Variants in HS6ST3 observed in about 807,000 individuals in gnomAD.
The protein encoded by HS6ST3 is heparan-sulfate 6-O-sulfotransferase 3.
A neutral mutation model predicts 36.7 loss-of-function variants in HS6ST3; 12 were observed. The observed-to-expected ratio is 0.33, with a 90% CI of 0.21 to 0.53. HS6ST3 has a LOEUF of 0.53. Ranked by LOEUF, HS6ST3 falls within the 20% of genes least tolerant of loss-of-function variation. The probability of loss-of-function intolerance (pLI) is 0.95; values close to 1 mark genes in which losing one functional copy is unlikely to be tolerated. For missense variants in HS6ST3, 584 were observed against 640.9 expected, an observed-to-expected ratio of 0.91 and a Z score of 0.96; for synonymous variants, 240 against 257.5, an observed-to-expected ratio of 0.93 and a Z score of 0.65.
chr13:96,540,895 C>T (rs1307699317), intron 1 of HS6ST3, among the ~76,000 whole-genome samples: 1 of 152,066 alleles, frequency 6.6e-6, no homozygotes. Flanking sequence ...AGTGTAGAGT[C>T]AGAGTGACCT....
intron 1 of HS6ST3, among the ~76,000 whole-genome samples, chr13:96,696,990 A>G (rs527432737): frequency 6.6e-6 from 1 of 151,918 alleles, no homozygotes; most frequent in African/African-American, 2.4e-5. Context: ...ATGCAGCACT[A>G]AAAAAAAGCA....
At chr13:96,398,216 T>C (rs2055432024) in intron 1 of HS6ST3, among the ~76,000 whole-genome samples, 1 of 152,204 alleles carries the variant, frequency 6.6e-6, no homozygotes, top group South Asian at 2.1e-4. Context: ...ATGGCAACTA[T>C]TATAAGAAAG....
chr13:96,633,647 C>G (rs772047208), intron 1 of HS6ST3, among the ~76,000 whole-genome samples: 11 of 152,092 alleles, frequency 7.2e-5, no homozygotes, highest in African/African-American at 2.4e-5. Context: ...TGTTGGCCAC[C>G]TGTTACCCCA....
At chr13:96,378,632 A>C (rs1444382206) in intron 1 of HS6ST3, among the ~76,000 whole-genome samples, 1 of 152,080 alleles carries the variant, frequency 6.6e-6, no homozygotes. Context: ...ACTTTCTATG[A>C]CGGCCCCTTA....
At chr13:96,386,673 T>A (rs9300347) in intron 1 of HS6ST3, among the ~76,000 whole-genome samples, 51,241 of 151,810 alleles carry the variant, frequency 0.34, 9,362 homozygotes, top group Non-Finnish European at 0.42. Flanking sequence ...AAGACCATCC[T>A]GCCCAACATG....
At chr13:96,648,850 C>A (rs996908717) in intron 1 of HS6ST3, among the ~76,000 whole-genome samples, 1 of 152,084 alleles carries the variant, frequency 6.6e-6, no homozygotes, top group Non-Finnish European at 1.5e-5. Flanking sequence ...TTTATGGCTG[C>A]ATAGTACTTC....
At chr13:96,195,336 G>A (rs1348805542) in intron 1 of HS6ST3, among the ~76,000 whole-genome samples, 1 of 152,160 alleles carries the variant, frequency 6.6e-6, no homozygotes, top group Non-Finnish European at 1.5e-5. Context: ...GCTTTTGCTT[G>A]ATAAAAGGAA....
At chr13:96,158,652 CAAAAAA>C (rs397954592) in intron 1 of HS6ST3, among the ~76,000 whole-genome samples, 8 of 68,898 alleles carry the variant, frequency 1.2e-4, no homozygotes, top group Non-Finnish European at 2.0e-4. Context: ...GACTCCGTCT[CAAAAAA>C]AAAAAAAAAA....
At chr13:96,581,188 G>C (rs1276540139) in intron 1 of HS6ST3, among the ~76,000 whole-genome samples, 1 of 151,532 alleles carries the variant, frequency 6.6e-6, no homozygotes, top group Non-Finnish European at 1.5e-5. Context: ...GTGCCAAATA[G>C]ATTGCAGAAC....
At chr13:96,353,911 G>C (rs2055197135) in intron 1 of HS6ST3, among the ~76,000 whole-genome samples, 1 of 152,100 alleles carries the variant, frequency 6.6e-6, no homozygotes, top group African/African-American at 2.4e-5. Context: ...TGAAAATTTT[G>C]CTAATTCAAC....
chr13:96,300,516 C>T (rs1172635796), intron 1 of HS6ST3, among the ~76,000 whole-genome samples: 2 of 151,978 alleles, frequency 1.3e-5, no homozygotes, highest in Non-Finnish European at 2.9e-5. Context: ...TGATACAGAG[C>T]CAAACCATAT....
intron 1 of HS6ST3, among the ~76,000 whole-genome samples, chr13:96,551,531 G>A (rs753416992): frequency 1.6e-4 from 24 of 152,158 alleles, no homozygotes; most frequent in Non-Finnish European, 1.8e-4. Context: ...CTCTTGGGGG[G>A]TAGGTGGATA....
intron 1 of HS6ST3, among the ~76,000 whole-genome samples, chr13:96,443,551 C>T (rs2055684225): frequency 7.7e-6 from 1 of 130,376 alleles, no homozygotes; most frequent in African/African-American, 2.8e-5. Flanking sequence ...AAAAAAAAAG[C>T]AGACTAAAAT....
chr13:96,300,508 A>T (rs1444318541), intron 1 of HS6ST3, among the ~76,000 whole-genome samples: 2 of 152,164 alleles, frequency 1.3e-5, no homozygotes, highest in Non-Finnish European at 2.9e-5. Context: ...TTGGGCGGTG[A>T]TACAGAGCCA....
intron 1 of HS6ST3, among the ~76,000 whole-genome samples, chr13:96,453,150 A>T (rs2055736904): frequency 6.6e-6 from 1 of 151,916 alleles, no homozygotes; most frequent in Non-Finnish European, 1.5e-5. Flanking sequence ...AAACCAGACC[A>T]ACCATTGCCC....
intron 1 of HS6ST3, among the ~76,000 whole-genome samples, chr13:96,474,821 C>T (rs994606479): frequency 4.6e-5 from 7 of 152,134 alleles, no homozygotes; most frequent in African/African-American, 1.7e-4. Context: ...TTCAAACAAT[C>T]TTTGGATTGC....
intron 1 of HS6ST3, among the ~76,000 whole-genome samples, chr13:96,433,959 C>A (rs1192724181): frequency 6.8e-6 from 1 of 147,122 alleles, no homozygotes; most frequent in African/African-American, 2.6e-5. Context: ...AACAAAACTT[C>A]TTTTCTTTAT....
rs2053757332 is a variant in HS6ST3 at position 96,090,799 on chromosome 13, G to C, written c.-64G>C. 1.5e-6 allele frequency: 2 copies of C among 1,351,210 alleles called. No individual in the cohort carries two copies. Among genetic ancestry groups the C allele is most frequent in the Admixed American group, 6.4e-5 (2 of 31,162 alleles). The allele number at this position is 1,351,210 out of a possible 1,614,324, so 83.7% of individuals were successfully genotyped here. On this transcript the variant is annotated 5_prime_UTR_variant, in exon 1 of 2. Coordinates refer to ENST00000376705, the MANE Select transcript of HS6ST3 (RefSeq NM_153456.4). ...CCCGGAGTCCGCGAAACTTCCGAGCGGGCGCCCGTCCGCCCTGCCGCCGCC... is the reference window on the plus strand; with the variant it reads ...CCCGGAGTCCGCGAAACTTCCGAGCCGGCGCCCGTCCGCCCTGCCGCCGCC...
At chr13:96,831,371 G>A (rs1022548100) in intron 1 of HS6ST3, among the ~76,000 whole-genome samples, 1 of 152,218 alleles carries the variant, frequency 6.6e-6, no homozygotes, top group Non-Finnish European at 1.5e-5. Flanking sequence ...ATGATGTACA[G>A]GAAAGCATGG....
Sources: allele counts gnomAD v4.1 joint callset (sites outside exome capture counted in the v4.1 genomes callset), GRCh38; gene constraint gnomAD v4.1.1; transcripts MANE v1.5; gene names NCBI Gene and HGNC (gene_info 2026-07-23, HGNC 2026-07-21).